Variants in RASGRF2 observed in about 807,000 individuals in gnomAD.
RASGRF2 encodes Ras protein specific guanine nucleotide releasing factor 2.
In RASGRF2, 76 loss-of-function variants were observed where a neutral mutation model predicts 151.0. That is an observed-to-expected ratio of 0.50 (90% confidence interval 0.42 to 0.61). RASGRF2 has a LOEUF of 0.61. RASGRF2 is among the 20% of genes least tolerant of loss of function. The pLI, the probability that RASGRF2 is intolerant of heterozygous loss-of-function variation, is 0.00. For missense variants in RASGRF2, 1,148 were observed against 1,564.6 expected (o/e 0.73, Z 4.49); for synonymous variants, 504 against 566.5 (o/e 0.89, Z 1.57).
chr5:81,180,352 GT>G (rs1191571512), intron 18 of RASGRF2, 71 bp downstream of exon 18: 1 of 907,756 alleles, frequency 1.1e-6, no homozygotes, highest in African/African-American at 1.6e-5. Flanking sequence ...TGTGACACAT[GT>G]AAAACACCTC....
chr5:81,167,772 G>A (rs1174588879), intron 17 of RASGRF2, among the ~76,000 whole-genome samples: 3 of 152,168 alleles, frequency 2.0e-5, no homozygotes, highest in Non-Finnish European at 4.4e-5. Context: ...GGGAGTAGGA[G>A]CAACGAAGAG....
rs117020903 is a variant in RASGRF2, at chr5:81,045,822, G to T, written c.395+2839G>T. On this transcript the variant is annotated intron_variant, in intron 2 of 26. Coordinates refer to ENST00000265080, the MANE Select transcript of RASGRF2 (RefSeq NM_006909.3). ...TAAGCTTGATTAAGTTGAGTTTTTG[G>T]TTTAAACTTGGATCTGCAAAATTCA... Among the ~76,000 whole-genome samples the T allele has an allele frequency of 9.1e-4, 139 of 152,154 alleles. 3 individuals are homozygous for T. The East Asian group carries it at 0.023, about 26-fold the overall frequency.
intron 1 of RASGRF2, among the ~76,000 whole-genome samples, chr5:81,011,050 A>C (rs929955862): frequency 9.4e-6 from 1 of 106,166 alleles, no homozygotes; most frequent in African/African-American, 3.6e-5. Flanking sequence ...TGACATATTT[A>C]AGATGTATGT....
intron 1 of RASGRF2, among the ~76,000 whole-genome samples, chr5:80,979,512 G>A (rs1328687333): frequency 3.3e-5 from 5 of 152,102 alleles, no homozygotes; most frequent in Admixed American, 2.0e-4. Context: ...TGCATTTTCT[G>A]AAATTAAGTT....
At chr5:81,034,708 C>G (rs1230051385) in intron 1 of RASGRF2, among the ~76,000 whole-genome samples, 3 of 148,986 alleles carry the variant, frequency 2.0e-5, no homozygotes, top group African/African-American at 7.5e-5. Context: ...AACAAAAAAC[C>G]AAACACCGCA....
intron 1 of RASGRF2, among the ~76,000 whole-genome samples, chr5:81,013,520 C>T (rs573172326): frequency 1.3e-5 from 2 of 152,064 alleles, no homozygotes; most frequent in East Asian, 3.9e-4. Flanking sequence ...ATGCACAATT[C>T]CCTTCTTTCA....
Position 80,983,984 on chromosome 5 carries a change from T to C in RASGRF2, c.288+22958T>C, listed in dbSNP as rs1580167131. ...TGTTGTCCAGTGCTGATCTATAATA[T>C]AGCATCCAAGTTTATTGTCTACAGA... On this transcript the variant is annotated intron_variant, in intron 1 of 26. Transcript: ENST00000265080. Among the ~76,000 whole-genome samples, 3 of 152,234 alleles carry C rather than the reference T, an allele frequency of 2.0e-5. No individual in the cohort carries two copies. In the East Asian group the frequency reaches 5.8e-4, roughly 29 times the overall value.
chr5:81,168,309 CTTTTTTTTT>C (rs70994426), intron 17 of RASGRF2, among the ~76,000 whole-genome samples: 1 of 115,994 alleles, frequency 8.6e-6, no homozygotes, highest in South Asian at 2.9e-4. Flanking sequence ...TTTTTCTTCT[CTTTTTTTTT>C]TTTTTTTTTT....
intron 26 of RASGRF2, among the ~76,000 whole-genome samples, chr5:81,224,727 C>T (rs1755933069): frequency 6.6e-6 from 1 of 152,216 alleles, no homozygotes; most frequent in African/African-American, 2.4e-5. Flanking sequence ...ACTACTGGTA[C>T]AGGCCACAGC....
At chr5:81,003,716 T>C (rs1023751912) in intron 1 of RASGRF2, among the ~76,000 whole-genome samples, 2 of 152,208 alleles carry the variant, frequency 1.3e-5, no homozygotes, top group Non-Finnish European at 2.9e-5. Flanking sequence ...TAAGGTTTAT[T>C]CATAAAAATA....
At chr5:81,182,717 C>G (rs542618599) in intron 18 of RASGRF2, among the ~76,000 whole-genome samples, 1 of 152,332 alleles carries the variant, frequency 6.6e-6, no homozygotes, top group Non-Finnish European at 1.5e-5. Flanking sequence ...CTCTCACCAA[C>G]TGTGGGCCTA....
chr5:81,170,481 C>A (rs1754635154), intron 17 of RASGRF2, among the ~76,000 whole-genome samples: 1 of 152,226 alleles, frequency 6.6e-6, no homozygotes, highest in African/African-American at 2.4e-5. Context: ...TTTCCTGTTC[C>A]CATGATTCCT....
At chr5:81,100,803 G>A (rs536099210) in intron 12 of RASGRF2, among the ~76,000 whole-genome samples, 4 of 152,124 alleles carry the variant, frequency 2.6e-5, no homozygotes, top group East Asian at 3.9e-4. Context: ...ATAGTTTTTC[G>A]GAAATCAAGA....
In RASGRF2 at chr5:80,995,724, C is replaced by A. The variant is rs1580180099; in HGVS notation, c.288+34698C>A. 3.4e-5 allele frequency among the ~76,000 whole-genome samples: 4 copies of A among 116,472 alleles called. No individual in the cohort carries two copies. In the South Asian group the frequency reaches 1.0e-3, roughly 30 times the overall value. 76.4% of individuals were successfully genotyped at this position (116,472 alleles called of 152,430 possible). On this transcript the variant is annotated intron_variant, in intron 1 of 26. Coordinates refer to ENST00000265080, the MANE Select transcript of RASGRF2 (RefSeq NM_006909.3). ...TTTTTTTTTTTTGAGATGGAGTCTC[C>A]GTCTGTCGCCCAGGCTGGAGTGCAG...
At chr5:81,157,842 A>G (rs1003164514) in intron 17 of RASGRF2, among the ~76,000 whole-genome samples, 1 of 152,174 alleles carries the variant, frequency 6.6e-6, no homozygotes, top group African/African-American at 2.4e-5. Context: ...TGATTCACTT[A>G]TCTCCCACCA....
intron 1 of RASGRF2, among the ~76,000 whole-genome samples, chr5:81,009,481 A>G (rs1375790544): frequency 6.6e-6 from 1 of 152,220 alleles, no homozygotes; most frequent in Non-Finnish European, 1.5e-5. Context: ...GGAGCATCAC[A>G]TCAGACTTGG....
chr5:80,969,699 T>C lies in RASGRF2; in HGVS notation c.288+8673T>C, dbSNP rs545445560. Among the ~76,000 whole-genome samples, 394 of 144,820 alleles carry C rather than the reference T, an allele frequency of 2.7e-3. 4 individuals are homozygous for C. Among genetic ancestry groups the C allele is most frequent in the African/African-American group, 9.4e-3 (365 of 38,768 alleles). ...ATCTCCTGACCTCGTGATCCGCCCG[T>C]CTCGGCCTCCCAAAGTGCTGGGATT... is the stretch of plus-strand genomic sequence containing the variant. On this transcript the variant is annotated intron_variant, in intron 1 of 26. Coordinates refer to ENST00000265080, the MANE Select transcript of RASGRF2 (RefSeq NM_006909.3).
chr5:81,131,138 T>C (rs1221260128), intron 17 of RASGRF2, among the ~76,000 whole-genome samples: 2 of 152,214 alleles, frequency 1.3e-5, no homozygotes, highest in African/African-American at 2.4e-5. Context: ...GAAAACTTCC[T>C]TAATGCATTA....
chr5:81,205,705 C>T, intron 19 of RASGRF2, among the ~76,000 whole-genome samples: 1 of 152,176 alleles, frequency 6.6e-6, no homozygotes, highest in East Asian at 1.9e-4. Flanking sequence ...CTTCCTCCAG[C>T]AGAGTACATG....
Sources: allele counts gnomAD v4.1 joint callset (sites outside exome capture counted in the v4.1 genomes callset), GRCh38; gene constraint gnomAD v4.1.1; transcripts MANE v1.5; gene names NCBI Gene and HGNC (gene_info 2026-07-23, HGNC 2026-07-21).